The following SIAH2 variants were observed in gnomAD, a reference collection of about 807,000 sequenced individuals.
SIAH2 encodes siah E3 ubiquitin protein ligase 2.
A neutral mutation model predicts 20.4 loss-of-function variants in SIAH2; 4 were observed. The ratio of observed to expected loss-of-function variants is 0.20; its 90% CI spans 0.10 to 0.45. SIAH2 has a LOEUF of 0.45. Ranked by LOEUF, SIAH2 falls within the 20% of genes least tolerant of loss-of-function variation. The pLI is 0.99. For missense variants in SIAH2, 259 were observed against 440.3 expected (o/e 0.59, Z 3.69); for synonymous variants, 171 against 192.5 (o/e 0.89, Z 0.93).
chr3:150,751,777 T>G (rs1023371546), intron 1 of SIAH2, among the ~76,000 whole-genome samples: 3 of 152,192 alleles, frequency 2.0e-5, no homozygotes, highest in Non-Finnish European at 4.4e-5. Context: ...CAGGCTGATC[T>G]CAAACTCCTA....
intron 1 of SIAH2, among the ~76,000 whole-genome samples, chr3:150,747,320 G>T (rs1057503856): frequency 6.6e-6 from 1 of 152,220 alleles, no homozygotes; most frequent in Non-Finnish European, 1.5e-5. Context: ...GCCTTCTCTG[G>T]GATCTGGCAA....
intron 1 of SIAH2, among the ~76,000 whole-genome samples, chr3:150,755,056 C>T (rs1055939134): frequency 6.6e-6 from 1 of 152,064 alleles, no homozygotes; most frequent in African/African-American, 2.4e-5. Flanking sequence ...AGTGCCTGGG[C>T]TGTGTCAGGC....
In SIAH2 at chr3:150,762,921, G is replaced by A. The variant is rs1240860020; in HGVS notation, c.-72C>T. 2.7e-5 allele frequency: 30 copies of A among 1,119,596 alleles called. No individual in the cohort carries two copies. The highest frequency in any genetic ancestry group is 3.1e-5 in the Non-Finnish European group (28 of 908,206). The allele number at this position is 1,119,596 out of a possible 1,614,324, so 69.4% of individuals were successfully genotyped here. On this transcript the variant is annotated 5_prime_UTR_variant, in exon 1 of 2. Coordinates refer to ENST00000312960, the MANE Select transcript of SIAH2 (RefSeq NM_005067.7). The surrounding 1 kb of genome is among the most constrained non-coding windows in gnomAD (Gnocchi z 6.6). ...GGCCGCCCGGGTCAAGGCGGTGCGCGCCCCGCGGGCAGCGAGCTCCGAGGC... is the reference window on the plus strand; with the variant it reads ...GGCCGCCCGGGTCAAGGCGGTGCGCACCCCGCGGGCAGCGAGCTCCGAGGC...
intron 1 of SIAH2, among the ~76,000 whole-genome samples, chr3:150,745,240 T>TACCCACAC (rs1714183299): frequency 7.1e-6 from 1 of 140,562 alleles, no homozygotes; most frequent in East Asian, 2.1e-4. Flanking sequence ...TTTAACCCCC[T>TACCCACAC]ACACACACAC....
At chr3:150,744,198 AG>A (rs1714162231) in intron 1 of SIAH2, among the ~76,000 whole-genome samples, 1 of 152,172 alleles carries the variant, frequency 6.6e-6, no homozygotes, top group Non-Finnish European at 1.5e-5. Flanking sequence ...AGTCACTCAG[AG>A]GATTCCGAAG....
intron 1 of SIAH2, among the ~76,000 whole-genome samples, chr3:150,754,569 GT>G (rs1714443196): frequency 6.6e-6 from 1 of 152,010 alleles, no homozygotes; most frequent in South Asian, 2.1e-4. Context: ...CACTTGTTTT[GT>G]TTTTGTTTTT....
chr3:150,745,386 G>A (rs1714188610), intron 1 of SIAH2, among the ~76,000 whole-genome samples: 2 of 152,108 alleles, frequency 1.3e-5, no homozygotes, highest in Non-Finnish European at 2.9e-5. Flanking sequence ...GGGATCCGAG[G>A]GAGGACTTTA....
intron 1 of SIAH2, among the ~76,000 whole-genome samples, chr3:150,743,127 C>T (rs1388433748): frequency 1.3e-5 from 2 of 152,228 alleles, no homozygotes; most frequent in African/African-American, 4.8e-5. Flanking sequence ...TTAGTTTTCA[C>T]ATATAGACAA....
intron 1 of SIAH2, among the ~76,000 whole-genome samples, chr3:150,756,988 T>C (rs1357169979): frequency 6.6e-6 from 1 of 152,164 alleles, no homozygotes; most frequent in Non-Finnish European, 1.5e-5. Flanking sequence ...CGGCTTGTGC[T>C]TCCTGCTTCC....
chr3:150,741,850 T>C lies in SIAH2; in HGVS notation c.*291A>G, dbSNP rs897705023. On this transcript the variant is annotated 3_prime_UTR_variant, in exon 2 of 2. Transcript: ENST00000312960. ...CTCCCATTCCTAACACACTGATCTA[T>C]AGAAGCCCTGTGCAACAGCCTGTCA... is the stretch of plus-strand genomic sequence containing the variant. 2 of 332,984 alleles carry C rather than the reference T, an allele frequency of 6.0e-6. No homozygotes were observed. Among genetic ancestry groups the C allele is most frequent in the East Asian group, 1.3e-4 (2 of 15,410 alleles). 20.6% of individuals were successfully genotyped at this position (332,984 alleles called of 1,614,324 possible). A position where few individuals can be genotyped will look rare whatever the true frequency, so the allele number is the denominator to read the frequency against.
At position 150,747,826 on chromosome 3, in the gene SIAH2, T is replaced by C. The variant is rs183483481; in HGVS notation, c.418-5128A>G. 5.6e-3 allele frequency among the ~76,000 whole-genome samples: 847 copies of C among 151,972 alleles called. 9 individuals are homozygous for C. The highest frequency in any genetic ancestry group is 0.02 in the African/African-American group (815 of 41,444). On this transcript the variant is annotated intron_variant, in intron 1 of 1. Transcript: ENST00000312960. ...AAAACAAAAAAAAATTAGCCGGTTG[T>C]GGTGGTGGGCACCTGTAATCCCAGC...
At chr3:150,746,839 A>G (rs766244661) in intron 1 of SIAH2, among the ~76,000 whole-genome samples, 7 of 152,258 alleles carry the variant, frequency 4.6e-5, no homozygotes, top group African/African-American at 7.2e-5. Context: ...AATGAGCACT[A>G]CCAGGGCAAC....
At chr3:150,743,518 T>C (rs1405017476) in intron 1 of SIAH2, among the ~76,000 whole-genome samples, 1 of 152,174 alleles carries the variant, frequency 6.6e-6, no homozygotes, top group Non-Finnish European at 1.5e-5. Context: ...GAGCACATCA[T>C]TTCATGGTCA....
In SIAH2 at chr3:150,762,043, C is replaced by A; in HGVS notation, c.417+390G>T. ...CCGAGCCCAGCGCTGGTAAAGGGGGCGTTTAGCTCGCCCGTTTCCTCCCTC... is the reference window on the plus strand; with the variant it reads ...CCGAGCCCAGCGCTGGTAAAGGGGGAGTTTAGCTCGCCCGTTTCCTCCCTC... On this transcript the variant is annotated intron_variant, in intron 1 of 1. Transcript: ENST00000312960. The surrounding 1 kb of genome is among the most constrained non-coding windows in gnomAD (Gnocchi z 6.6). 4.3e-6 allele frequency: 1 copy of A among 232,410 alleles called. No homozygotes were observed. The highest frequency in any genetic ancestry group is 8.6e-6 in the Non-Finnish European group (1 of 116,508). 14.4% of individuals were successfully genotyped at this position (232,410 alleles called of 1,614,324 possible).
rs1000092748 is a variant in SIAH2, at chr3:150,742,275, G to A, written c.841C>T (p.Arg281Cys). Reference sequence around the variant, plus strand: ...GCAGCCACACCGTCATGAATCGAACGGGGCGTGGCCTCCCAGGTCAATCTC... The same window carrying A: ...GCAGCCACACCGTCATGAATCGAACAGGGCGTGGCCTCCCAGGTCAATCTC... Reference protein sequence around the residue: ...RRRLTWEATPRSIHDGVAAAI... With the variant: ...RRRLTWEATPCSIHDGVAAAI... The change falls in exon 2 of 2, where the codon CGT becomes TGT. Residue 281 changes from arginine to cysteine, a missense_variant. Physicochemically the swap from Arg to Cys is radical, Grantham distance 180 (BLOSUM62 -3). Coordinates refer to ENST00000312960, the MANE Select transcript of SIAH2 (RefSeq NM_005067.7). This position sits in a 1 kb window ranked among gnomAD's most constrained non-coding sequence, Gnocchi z 4.8. 4.3e-6 allele frequency: 7 copies of A among 1,614,140 alleles called. No individual in the cohort carries two copies. Among genetic ancestry groups the A allele is most frequent in the Non-Finnish European group, 5.9e-6 (7 of 1,180,038 alleles).
intron 1 of SIAH2, among the ~76,000 whole-genome samples, chr3:150,759,107 C>T (rs1052581177): frequency 6.6e-6 from 1 of 152,002 alleles, no homozygotes; most frequent in African/African-American, 2.4e-5. Context: ...GTCTCGAACT[C>T]CTGACCTCAG....
In SIAH2 at chr3:150,742,157, G is replaced by C. The variant is rs1714101322; in HGVS notation, c.959C>G (p.Ser320Cys). 1 of 1,610,806 alleles carries C rather than the reference G, an allele frequency of 6.2e-7. No homozygotes were observed. The highest frequency in any genetic ancestry group is 8.5e-7 in the Non-Finnish European group (1 of 1,177,428). The change falls in exon 2 of 2, where the codon TCT becomes TGT. Residue 320 changes from serine to cysteine, a missense_variant. By Grantham distance (112) the Ser-to-Cys change is moderately radical. Around this residue, in one of 2 missense-constraint regions of SIAH2, gnomAD observed 160 missense variants for 327.6 expected, o/e 0.49. Transcript: ENST00000312960. This position sits in a 1 kb window ranked among gnomAD's most constrained non-coding sequence, Gnocchi z 4.8. The part of the protein sequence containing the change: ...NGNLGINVTI[S>C]TCCP ...AAAGTCACATCATGGACAACATGTA[G>C]AAATAGTAACATTGATTCCAAGGTT... is the stretch of plus-strand genomic sequence containing the variant.
At chr3:150,749,058 A>G (rs554391089) in intron 1 of SIAH2, among the ~76,000 whole-genome samples, 48 of 152,360 alleles carry the variant, frequency 3.2e-4, no homozygotes, top group African/African-American at 1.2e-3. Context: ...TTACATTCAA[A>G]TGGTTAAAAA....
At chr3:150,744,382 G>A (rs1025710088) in intron 1 of SIAH2, among the ~76,000 whole-genome samples, 3 of 152,134 alleles carry the variant, frequency 2.0e-5, no homozygotes, top group Non-Finnish European at 4.4e-5. Context: ...TTGCCCATAG[G>A]AATTGTTTGT....
Sources: gnomAD v4.1 joint callset for allele counts (sites outside exome capture counted in the v4.1 genomes callset) on GRCh38, gnomAD v4.1.1 for gene constraint, gnomAD v4.1.1 regional missense constraint, Gnocchi (gnomAD v3.1) non-coding constraint, MANE v1.5 for transcripts, NCBI Gene and HGNC (gene_info 2026-07-23, HGNC 2026-07-21) for gene names.